The following CSMD1 variants were observed in gnomAD, a reference collection of about 807,000 sequenced individuals.
The protein encoded by CSMD1 is CUB and sushi domain-containing protein 1.
CSMD1 carries 213 observed loss-of-function variants against 417.5 expected under a neutral mutation model. That is an observed-to-expected ratio of 0.51 (90% confidence interval 0.46 to 0.57). The LOEUF (loss-of-function observed/expected upper bound fraction) is 0.57. Among genes scored for constraint, CSMD1 ranks in the 20% least tolerant of loss-of-function variants. CSMD1 has a pLI of 0.00. For synonymous variants in CSMD1, 2,862 were observed against 1,736.8 expected (o/e 1.65, Z -16.11); for missense variants, 6,923 against 4,529.7 (o/e 1.53, Z -15.17).
intron 5 of CSMD1, among the ~76,000 whole-genome samples, chr8:3,823,459 A>G (rs981683925): frequency 6.6e-6 from 1 of 152,196 alleles, no homozygotes; most frequent in African/African-American, 2.4e-5. Context: ...AACGTTTGCA[A>G]TTTTTATGCA....
chr8:4,482,040 T>A (rs1294506037), intron 2 of CSMD1, among the ~76,000 whole-genome samples: 2 of 152,190 alleles, frequency 1.3e-5, no homozygotes, highest in African/African-American at 4.8e-5. Context: ...CACCCTTCCA[T>A]GGCCACCTTT....
chr8:3,130,395 C>T (rs975256804), intron 41 of CSMD1, among the ~76,000 whole-genome samples: 13 of 152,028 alleles, frequency 8.6e-5, no homozygotes, highest in Non-Finnish European at 4.4e-5. Flanking sequence ...GCCCCCAATT[C>T]CTGGAAGCCT....
At chr8:4,816,831 G>A (rs1263282828) in intron 1 of CSMD1, among the ~76,000 whole-genome samples, 1 of 152,134 alleles carries the variant, frequency 6.6e-6, no homozygotes, top group Non-Finnish European at 1.5e-5. Flanking sequence ...TGAGAGACTT[G>A]GCAATTAATG....
intron 1 of CSMD1, among the ~76,000 whole-genome samples, chr8:4,974,926 A>G (rs1402568894): frequency 6.6e-6 from 1 of 152,222 alleles, no homozygotes; most frequent in African/African-American, 2.4e-5. Flanking sequence ...ACTGGGGTTT[A>G]AAGAGAGAGA....
At chr8:3,617,498 C>T (rs1479050283) in intron 7 of CSMD1, among the ~76,000 whole-genome samples, 1 of 152,046 alleles carries the variant, frequency 6.6e-6, no homozygotes, top group Non-Finnish European at 1.5e-5. Flanking sequence ...ATTTGCTTAG[C>T]AGAGGGCTTG....
intron 3 of CSMD1, among the ~76,000 whole-genome samples, chr8:4,135,400 AAGAGGGAAAG>A (rs1803367621): frequency 1.7e-5 from 2 of 115,614 alleles, no homozygotes; most frequent in African/African-American, 3.6e-5. Context: ...AGGAAGGGGA[AAGAGGGAAAG>A]AGGGGGAAGG....
intron 49 of CSMD1, among the ~76,000 whole-genome samples, chr8:3,069,734 T>C (rs1813197714): frequency 6.6e-6 from 1 of 152,174 alleles, no homozygotes; most frequent in African/African-American, 2.4e-5. Context: ...TGGAGGGCAG[T>C]GATCCCTTCT....
intron 10 of CSMD1, among the ~76,000 whole-genome samples, chr8:3,498,609 C>G (rs534987874): frequency 6.6e-6 from 1 of 152,294 alleles, no homozygotes; most frequent in South Asian, 2.1e-4. Context: ...TTTCTGATCT[C>G]TTCTCCTTCT....
chr8:4,639,500 C>A (rs567691894), intron 1 of CSMD1, among the ~76,000 whole-genome samples: 28 of 152,150 alleles, frequency 1.8e-4, no homozygotes, highest in Admixed American at 2.6e-4. Context: ...TGTTAAGTAG[C>A]TCGCAAAAAC....
At chr8:4,156,171 G>A (rs1468257343) in intron 3 of CSMD1, among the ~76,000 whole-genome samples, 1 of 152,164 alleles carries the variant, frequency 6.6e-6, no homozygotes, top group Non-Finnish European at 1.5e-5. Context: ...GTTGTGTGAG[G>A]GGTGTGGGAA....
intron 5 of CSMD1, among the ~76,000 whole-genome samples, chr8:3,791,265 G>T (rs1030933062): frequency 1.3e-5 from 2 of 152,148 alleles, no homozygotes; most frequent in African/African-American, 4.8e-5. Flanking sequence ...TCCAAAGCAT[G>T]TATGATAAAC....
chr8:3,099,373 T>G (rs1238598903), intron 46 of CSMD1, among the ~76,000 whole-genome samples: 2 of 152,288 alleles, frequency 1.3e-5, no homozygotes, highest in East Asian at 3.9e-4. Context: ...CCCCTCATTT[T>G]GTAAGCTCAG....
intron 1 of CSMD1, among the ~76,000 whole-genome samples, chr8:4,929,997 G>A (rs772927857): frequency 6.6e-5 from 10 of 152,276 alleles, no homozygotes; most frequent in East Asian, 1.9e-4. Flanking sequence ...TTTTATTCAC[G>A]TTAAGCACTG....
intron 2 of CSMD1, among the ~76,000 whole-genome samples, chr8:4,578,332 A>ATTTTTTTTTTTTTTTTTTTTTTTT (rs1172600205): frequency 2.1e-5 from 1 of 48,768 alleles, no homozygotes; most frequent in African/African-American, 7.6e-5. Flanking sequence ...CACCCGGCTC[A>ATTTTTTTTTTTTTTTTTTTTTTTT]TTTTTTTTTT....
At chr8:4,791,048 C>T (rs1585103488) in intron 1 of CSMD1, among the ~76,000 whole-genome samples, 2 of 150,404 alleles carry the variant, frequency 1.3e-5, no homozygotes, top group Middle Eastern at 3.4e-3. Flanking sequence ...ATGGGAAACA[C>T]AAGCTAGTAG....
intron 2 of CSMD1, among the ~76,000 whole-genome samples, chr8:4,473,407 C>A (rs1800639779): frequency 6.6e-6 from 1 of 152,184 alleles, no homozygotes; most frequent in South Asian, 2.1e-4. Context: ...TGTAGGTAGT[C>A]TTTAATCCAG....
At chr8:4,403,213 T>A (rs1219205156) in intron 3 of CSMD1, among the ~76,000 whole-genome samples, 10 of 152,206 alleles carry the variant, frequency 6.6e-5, no homozygotes. Flanking sequence ...ACCAATTTTC[T>A]TTTCCTTATG....
chr8:4,668,121 C>T (rs930985471), intron 1 of CSMD1, among the ~76,000 whole-genome samples: 1 of 152,086 alleles, frequency 6.6e-6, no homozygotes, highest in South Asian at 2.1e-4. Context: ...CAGATATTGC[C>T]TCGTATCAAA....
intron 5 of CSMD1, among the ~76,000 whole-genome samples, chr8:3,780,987 T>A (rs141141024): frequency 6.6e-6 from 1 of 152,322 alleles, no homozygotes; most frequent in Non-Finnish European, 1.5e-5. Flanking sequence ...AAAATATCTG[T>A]GACATTTTGT....
Sources: allele counts gnomAD v4.1 joint callset (sites outside exome capture counted in the v4.1 genomes callset), GRCh38; gene constraint gnomAD v4.1.1; transcripts MANE v1.5; gene names NCBI Gene and HGNC (gene_info 2026-07-23, HGNC 2026-07-21).